Variants in WDR86 observed in about 807,000 individuals in gnomAD.
WDR86 encodes the protein WD repeat domain 86.
Under a neutral mutation model 36.5 loss-of-function variants are expected in WDR86, and 30 were observed. That is an observed-to-expected ratio of 0.82 (90% CI 0.61 to 1.11). The LOEUF (loss-of-function observed/expected upper bound fraction) is 1.11. Among genes scored for constraint, WDR86 ranks in the 50% most tolerant of loss-of-function variants. The pLI is 0.00. For missense variants in WDR86, 545 were observed against 561.2 expected (o/e 0.97, Z 0.29); for synonymous variants, 255 against 252.9 (o/e 1.01, Z -0.08).
rs1799332567 is a variant in WDR86 at position 151,390,356 on chromosome 7, T to C, written c.727-5133A>G. 6.6e-6 allele frequency among the ~76,000 whole-genome samples: 1 copy of C among 151,888 alleles called. No homozygotes were observed. The highest frequency in any genetic ancestry group is 6.6e-5 in the Admixed American group (1 of 15,260). Reference sequence around the variant, plus strand: ...CCATCGTGTGTCCCCACTTGGCAGATTGTGAAAAAGGAGTCCCCCCAACCC... The same window carrying C: ...CCATCGTGTGTCCCCACTTGGCAGACTGTGAAAAAGGAGTCCCCCCAACCC... On this transcript the variant is annotated intron_variant, in intron 3 of 5. Transcript: ENST00000334493. This position sits in a 1 kb window ranked among gnomAD's most constrained non-coding sequence, Gnocchi z 4.5.
rs1799116179 is a variant in WDR86, at chr7:151,388,017, C to T, written c.727-2794G>A. 6.6e-6 allele frequency among the ~76,000 whole-genome samples: 1 copy of T among 152,266 alleles called. No individual in the cohort carries two copies. The highest frequency in any genetic ancestry group is 1.5e-5 in the Non-Finnish European group (1 of 68,040). ...CGCCACACGCAGCCCAGGGCCTGAA[C>T]ATGGTAACCCCCGCCCATCCCCAAA... On this transcript the variant is annotated intron_variant, in intron 3 of 5. Transcript: ENST00000334493. This position sits in a 1 kb window ranked among gnomAD's most constrained non-coding sequence, Gnocchi z 4.2.
At chr7:151,399,744 C>G (rs778105840) in intron 2 of WDR86, among the ~76,000 whole-genome samples, 1 of 152,260 alleles carries the variant, frequency 6.6e-6, no homozygotes, top group Non-Finnish European at 1.5e-5. Context: ...GGTCCACCAT[C>G]GGGTCTCAAT....
In WDR86 at chr7:151,381,458, C is replaced by T. The variant is rs1301858650; in HGVS notation, c.*124G>A. Reference sequence around the variant, plus strand: ...CAGACGCCTGCGACGGGCTCTCCTCCCGCCCGGGCTTCCTCGCTCCTCGCC... The same window carrying T: ...CAGACGCCTGCGACGGGCTCTCCTCTCGCCCGGGCTTCCTCGCTCCTCGCC... On this transcript the variant is annotated 3_prime_UTR_variant, in exon 6 of 6. Coordinates refer to ENST00000334493, the MANE Select transcript of WDR86 (RefSeq NM_198285.3). The surrounding 1 kb of genome is among the most constrained non-coding windows in gnomAD (Gnocchi z 4.8). 6.7e-7 allele frequency: 1 copy of T among 1,490,094 alleles called. No individual in the cohort carries two copies. The highest frequency in any genetic ancestry group is 8.9e-7 in the Non-Finnish European group (1 of 1,127,964). The allele number at this position is 1,490,094 out of a possible 1,614,324, so 92.3% of individuals were successfully genotyped here. A position where few individuals can be genotyped will look rare whatever the true frequency, so the allele number is the denominator to read the frequency against.
In WDR86 at chr7:151,406,658, G is replaced by A. The variant is rs961139830; in HGVS notation, c.163+2769C>T. On this transcript the variant is annotated intron_variant, in intron 1 of 5. Transcript: ENST00000334493. The surrounding 1 kb of genome is among the most constrained non-coding windows in gnomAD (Gnocchi z 4.4). ...CCCTCTCTGCCATGGACCAGCTGCG[G>A]GACCCTGGACAAGTCCTGCCACCGC... 6.6e-6 allele frequency among the ~76,000 whole-genome samples: 1 copy of A among 152,168 alleles called. No homozygotes were observed. Among genetic ancestry groups the A allele is most frequent in the African/African-American group, 2.4e-5 (1 of 41,436 alleles).
chr7:151,376,219 C>G, downstream of WDR86: 1 of 480,374 alleles, frequency 2.1e-6, no homozygotes, highest in Non-Finnish European at 3.8e-6. Context: ...AGCCTCATTT[C>G]TCTGCCTGTG....
At chr7:151,380,137 G>T (rs1022625007), downstream of WDR86, among the ~76,000 whole-genome samples, 1 of 152,186 alleles carries the variant, frequency 6.6e-6, no homozygotes, top group African/African-American at 2.4e-5. Flanking sequence ...CTCCTGCACC[G>T]ATCTGCTTGC....
At chr7:151,376,120 A>C in exon 2 of WDR86, 1 of 572,660 alleles carries the variant, frequency 1.7e-6, no homozygotes, top group South Asian at 1.9e-5. Context: ...AGGGCAGGGG[A>C]GGCCTCCTTG....
Position 151,381,148 on chromosome 7 carries a change from C to T in WDR86, c.*434G>A. On this transcript the variant is annotated 3_prime_UTR_variant, in exon 6 of 6. Coordinates refer to ENST00000334493, the MANE Select transcript of WDR86 (RefSeq NM_198285.3). This position sits in a 1 kb window ranked among gnomAD's most constrained non-coding sequence, Gnocchi z 4.8. ...CTTTTAACGTTCAGGCTGTATATTT[C>T]AGTTCCCCCCAAGGCCCTCGAGACG... 3.1e-5 allele frequency: 39 copies of T among 1,241,606 alleles called. No individual in the cohort carries two copies. Among genetic ancestry groups the T allele is most frequent in the Non-Finnish European group, 3.9e-5 (39 of 994,676 alleles). The allele number at this position is 1,241,606 out of a possible 1,614,324, so 76.9% of individuals were successfully genotyped here.
At chr7:151,400,323 G>A (rs908204630) in intron 1 of WDR86, 82 bp from the exon 2 acceptor site, 4 of 1,399,618 alleles carry the variant, frequency 2.9e-6, no homozygotes, top group Non-Finnish European at 3.8e-6. Flanking sequence ...GTTTGAAAAG[G>A]GAAGAAAGCA....
intron 4 of WDR86, among the ~76,000 whole-genome samples, chr7:151,384,332 T>G (rs551111237): frequency 1.3e-5 from 2 of 152,336 alleles, no homozygotes; most frequent in African/African-American, 4.8e-5. Flanking sequence ...TAAAAGACTT[T>G]ATGATTCTCT....
rs1799139632 is a variant in WDR86 at position 151,388,400 on chromosome 7, G to A, written c.727-3177C>T. ...CTCTCCTCCTTCACAAGGACCCCAG[G>A]TCAAGCCCAGAACCTGGGCGACCCC... is the stretch of plus-strand genomic sequence containing the variant. On this transcript the variant is annotated intron_variant, in intron 3 of 5. Transcript: ENST00000334493. This position sits in a 1 kb window ranked among gnomAD's most constrained non-coding sequence, Gnocchi z 4.2. Among the ~76,000 whole-genome samples the A allele has an allele frequency of 6.6e-6, 1 of 152,224 alleles. No homozygotes were observed.
At chr7:151,397,504 A>G (rs1318874035) in intron 2 of WDR86, among the ~76,000 whole-genome samples, 1 of 152,124 alleles carries the variant, frequency 6.6e-6, no homozygotes, top group African/African-American at 2.4e-5. Context: ...GCTCACTGCA[A>G]CCTCTGCCTC....
intron 2 of WDR86, among the ~76,000 whole-genome samples, 157 bp downstream of exon 2, chr7:151,399,943 G>A (rs574279370): frequency 5.9e-5 from 9 of 152,222 alleles, no homozygotes; most frequent in African/African-American, 1.7e-4. Flanking sequence ...CTGGGTCCAC[G>A]TCGCTGGGTG....
At chr7:151,397,954 G>A (rs924339543) in intron 2 of WDR86, among the ~76,000 whole-genome samples, 3 of 152,174 alleles carry the variant, frequency 2.0e-5, no homozygotes, top group African/African-American at 4.8e-5. Context: ...TGACCCCAAA[G>A]CTCACAGGCC....
intron 3 of WDR86, among the ~76,000 whole-genome samples, chr7:151,393,960 C>CA (rs1341410677): frequency 6.6e-6 from 1 of 152,062 alleles, no homozygotes; most frequent in Non-Finnish European, 1.5e-5. Flanking sequence ...AAAAGGCACG[C>CA]AAAAAACAGG....
At chr7:151,407,696 C>T (rs1401316738) in intron 1 of WDR86, among the ~76,000 whole-genome samples, 1 of 152,136 alleles carries the variant, frequency 6.6e-6, no homozygotes, top group Non-Finnish European at 1.5e-5. Flanking sequence ...AAAAAATTAG[C>T]TGGGCGTGGT....
rs999868962 is a variant in WDR86 at position 151,401,399 on chromosome 7, G to A, written c.164-1158C>T. Reference sequence around the variant, plus strand: ...CTCTGTTTCCTCAGCTTCCACTCTTGCCTTCCTCCCTCCTCTCCTTCCCTC... The same window carrying A: ...CTCTGTTTCCTCAGCTTCCACTCTTACCTTCCTCCCTCCTCTCCTTCCCTC... On this transcript the variant is annotated intron_variant, in intron 1 of 5. Transcript: ENST00000334493. This position sits in a 1 kb window ranked among gnomAD's most constrained non-coding sequence, Gnocchi z 4.3. Among the ~76,000 whole-genome samples, 1 of 152,126 alleles carries A rather than the reference G, an allele frequency of 6.6e-6. No individual in the cohort carries two copies. The highest frequency in any genetic ancestry group is 1.9e-4 in the East Asian group (1 of 5,192).
downstream of WDR86, chr7:151,377,953 G>A (rs1798380226): frequency 6.6e-6 from 1 of 152,166 alleles, no homozygotes; most frequent in African/African-American, 2.4e-5. Flanking sequence ...GCTAACCAAA[G>A]CAATTTATTT....
At chr7:151,408,172 C>T (rs1800863176) in intron 1 of WDR86, among the ~76,000 whole-genome samples, 1 of 149,898 alleles carries the variant, frequency 6.7e-6, no homozygotes, top group Non-Finnish European at 1.5e-5. Flanking sequence ...TCTGCCCTAA[C>T]TATGTAATAT....
Sources: gnomAD v4.1 joint callset for allele counts (sites outside exome capture counted in the v4.1 genomes callset) on GRCh38, gnomAD v4.1.1 for gene constraint, Gnocchi (gnomAD v3.1) non-coding constraint, MANE v1.5 for transcripts, NCBI Gene and HGNC (gene_info 2026-07-23, HGNC 2026-07-21) for gene names.